CCT8: variants seen among roughly 807,000 people sequenced by gnomAD.
CCT8 encodes chaperonin containing TCP1 subunit 8.
In CCT8, 10 loss-of-function variants were observed where a neutral mutation model predicts 65.7. The ratio of observed to expected loss-of-function variants is 0.15; its 90% CI spans 0.09 to 0.26. The LOEUF (loss-of-function observed/expected upper bound fraction) is 0.26. Ranked by LOEUF, CCT8 falls within the 10% of genes least tolerant of loss-of-function variation. The pLI is 1.00. For synonymous variants in CCT8, 199 were observed against 221.8 expected, an observed-to-expected ratio of 0.90 and a Z score of 0.92; for missense variants, 568 against 669.1, an observed-to-expected ratio of 0.85 and a Z score of 1.67.
intron 14 of CCT8, among the ~76,000 whole-genome samples, chr21:29,057,143 T>G (rs1372510063): frequency 6.6e-6 from 1 of 150,722 alleles, no homozygotes. Flanking sequence ...CACCTTACTT[T>G]ATCTAAAATA....
At position 29,060,580 on chromosome 21, in the gene CCT8, G is replaced by A. The variant is rs754157564; in HGVS notation, c.1530C>T (p.Leu510=). 15 of 1,613,624 alleles carry A rather than the reference G, an allele frequency of 9.3e-6. No individual in the cohort carries two copies. Among genetic ancestry groups the A allele is most frequent in the East Asian group, 4.5e-5 (2 of 44,870 alleles). ...TYLGKYWAIK[L]ATNAAVTVLR... is the part of the protein sequence containing the mutation. ...GTACAGTGACTGCAGCATTAGTAGC[G>A]AGTTTGATAGCCCAATATTTTCCCA... The change falls in exon 14 of 15, where the codon CTC becomes CTT. Residue 510 remains leucine (L), a synonymous_variant. Transcript: ENST00000286788.
chr21:29,056,712 A>G lies in CCT8; in HGVS notation c.1570-160T>C, dbSNP rs1172812424. ...CACAGAGTTTGCTAGCTCCCTTGTT[A>G]GAAATTCAATTGTAAACTTTCAGCG... On this transcript the variant is annotated intron_variant, in intron 14 of 14. Transcript: ENST00000286788. 2.0e-5 allele frequency among the ~76,000 whole-genome samples: 3 copies of G among 152,252 alleles called. No individual in the cohort carries two copies. In the East Asian group the frequency reaches 5.8e-4, roughly 29 times the overall value.
intron 1 of CCT8, 157 bp downstream of exon 1, chr21:29,073,374 G>A: frequency 6.9e-7 from 1 of 1,450,682 alleles, no homozygotes; most frequent in South Asian, 1.4e-5. Flanking sequence ...CGGTGGCCGA[G>A]CCCTTCCAAA....
At chr21:29,064,409 T>TAAAAAAAAAAAAAAAAAAAAAA (rs34760776) in intron 7 of CCT8, among the ~76,000 whole-genome samples, 39 of 26,718 alleles carry the variant, frequency 1.5e-3, no homozygotes, top group East Asian at 2.8e-3. Flanking sequence ...AGCAAGACTC[T>TAAAAAAAAAAAAAAAAAAAAAA]AAAAAAAAAA....
At position 29,061,128 on chromosome 21, in the gene CCT8, T is replaced by A. The variant is rs944494109; in HGVS notation, c.1449+125A>T. 22 of 789,322 alleles carry A rather than the reference T, an allele frequency of 2.8e-5. No individual in the cohort carries two copies. In the African/African-American group the frequency reaches 3.1e-4, roughly 11 times the overall value. The allele number at this position is 789,322 out of a possible 1,614,324, so 48.9% of individuals were successfully genotyped here. On this transcript the variant is annotated intron_variant, in intron 13 of 14. Coordinates refer to ENST00000286788, the MANE Select transcript of CCT8 (RefSeq NM_006585.4). ...TCCATCAGACAACCTATGTAAAAAC[T>A]AAGAAAATAATCTGCTCCCAAATCA...
At position 29,056,388 on chromosome 21, in the gene CCT8, T is replaced by C; in HGVS notation, c.*87A>G. 1.5e-6 allele frequency: 1 copy of C among 650,088 alleles called. No homozygotes were observed. 40.3% of individuals were successfully genotyped at this position (650,088 alleles called of 1,614,324 possible). On this transcript the variant is annotated 3_prime_UTR_variant, in exon 15 of 15. Coordinates refer to ENST00000286788, the MANE Select transcript of CCT8 (RefSeq NM_006585.4). ...AAGAATACAAACACAAAATAACTCT[T>C]AATTTAAGGAGAATAAGAAAACATC... is the stretch of plus-strand genomic sequence containing the variant.
intron 6 of CCT8, among the ~76,000 whole-genome samples, chr21:29,066,036 C>T (rs57161423): frequency 0.021 from 3,052 of 142,998 alleles, 105 homozygotes; most frequent in African/African-American, 0.075. Flanking sequence ...GAGCCGAGGT[C>T]GAGGCACTGC....
At chr21:29,066,646 CACAAAAAA>C in intron 6 of CCT8, 62 bp downstream of exon 6, 4 of 902,536 alleles carry the variant, frequency 4.4e-6, no homozygotes, top group Middle Eastern at 3.2e-4. Flanking sequence ...TTTTTTTTTG[CACAAAAAA>C]ACAAAAAAAG....
chr21:29,073,524 C>T lies in CCT8; in HGVS notation c.60+7G>A. 6.2e-7 allele frequency: 1 copy of T among 1,614,146 alleles called. No individual in the cohort carries two copies. The highest frequency in any genetic ancestry group is 8.5e-7 in the Non-Finnish European group (1 of 1,179,990). ...CTCCCACCTCATTCCTTTCCTTCAG[C>T]CCTTACTTTCGCTCCCTCCTTGAGC... On this transcript the variant is annotated splice_region_variant and intron_variant, in intron 1 of 14. Transcript: ENST00000286788.
chr21:29,071,562 T>C (rs1011878133), intron 1 of CCT8, among the ~76,000 whole-genome samples: 6 of 151,854 alleles, frequency 4.0e-5, no homozygotes, highest in South Asian at 2.1e-4. Context: ...CAGGTTGGTT[T>C]TTTTTGTATT....
At position 29,067,034 on chromosome 21, in the gene CCT8, T is replaced by A. The variant is rs1183791604; in HGVS notation, c.419A>T (p.His140Leu). The stretch of plus-strand genomic sequence containing the variant: ...ACATACCAAATTAGGAAGAATCTCA[T>A]GAGCTTTTCTGCAGGCTATTTCATA... The part of the protein sequence containing the change: ...EGYEIACRKA[H>L]EILPNLVCCS... Residue 140 changes from histidine (H) to leucine (L), a missense_variant, in exon 5 of 15, where the codon CAT (histidine) becomes CTT (leucine). His to Leu is a moderately conservative substitution (Grantham distance 99). Coordinates refer to ENST00000286788, the MANE Select transcript of CCT8 (RefSeq NM_006585.4). 2 of 1,612,748 alleles carry A rather than the reference T, an allele frequency of 1.2e-6. No homozygotes were observed. Among genetic ancestry groups the A allele is most frequent in the Non-Finnish European group, 1.7e-6 (2 of 1,179,414 alleles).
At position 29,060,459 on chromosome 21, in the gene CCT8, C is replaced by G. The variant is rs367820658; in HGVS notation, c.1569+82G>C. 4.3e-6 allele frequency: 6 copies of G among 1,394,300 alleles called. No individual in the cohort carries two copies. In the African/African-American group the frequency reaches 8.6e-5, roughly 20 times the overall value. The allele number at this position is 1,394,300 out of a possible 1,614,324, so 86.4% of individuals were successfully genotyped here. On this transcript the variant is annotated intron_variant, in intron 14 of 14. Transcript: ENST00000286788. Reference sequence around the variant, plus strand: ...AAGAATCCTTTGAATTAGAACTATGCTATGTTCTAGTTCTGGGAAAATATA... The same window carrying G: ...AAGAATCCTTTGAATTAGAACTATGGTATGTTCTAGTTCTGGGAAAATATA...
At chr21:29,064,510 C>T (rs1286051320) in intron 7 of CCT8, among the ~76,000 whole-genome samples, 1 of 148,144 alleles carries the variant, frequency 6.8e-6, no homozygotes, top group Non-Finnish European at 1.5e-5. Flanking sequence ...TTAAAACTAT[C>T]AACAACTTGG....
chr21:29,073,309 C>T, intron 1 of CCT8: 1 of 1,409,082 alleles, frequency 7.1e-7, no homozygotes, highest in Non-Finnish European at 9.2e-7. Flanking sequence ...TCGATCGTGC[C>T]GCCGATCCCT....
At chr21:29,071,397 TGAGA>T (rs1035480652) in intron 1 of CCT8, among the ~76,000 whole-genome samples, 7 of 151,668 alleles carry the variant, frequency 4.6e-5, no homozygotes, top group African/African-American at 1.5e-4. Flanking sequence ...TACTCTTTTT[TGAGA>T]GAGAGAGAGT....
Position 29,064,652 on chromosome 21 carries a change from A to G in CCT8, c.762+316T>C, listed in dbSNP as rs528322501. ...TTAGCTTATCTTGTTTTAGGATGCT[A>G]CAGAATGTCAACTTTATTTTCGTGA... On this transcript the variant is annotated intron_variant, in intron 7 of 14. Coordinates refer to ENST00000286788, the MANE Select transcript of CCT8 (RefSeq NM_006585.4). Among the ~76,000 whole-genome samples, 21 of 152,318 alleles carry G rather than the reference A, an allele frequency of 1.4e-4. No homozygotes were observed. In the East Asian group the frequency reaches 4.0e-3, roughly 29 times the overall value.
At chr21:29,062,029 T>C (rs2085569597) in intron 11 of CCT8, 99 bp downstream of exon 11, 2 of 786,442 alleles carry the variant, frequency 2.5e-6, no homozygotes, top group Admixed American at 4.6e-5. Context: ...CCACTCATTC[T>C]GAAGTTCTCA....
At chr21:29,070,448 T>C (rs2085668993) in intron 1 of CCT8, 111 bp from the exon 2 acceptor site, 3 of 568,716 alleles carry the variant, frequency 5.3e-6, no homozygotes, top group South Asian at 5.3e-5. Flanking sequence ...AGAGGGAGCA[T>C]AGCTTAGGTA....
chr21:29,062,673 A>AT (rs1412084536), intron 8 of CCT8, 117 bp from the exon 9 acceptor site: 4 of 768,190 alleles, frequency 5.2e-6, no homozygotes, highest in Non-Finnish European at 8.4e-6. Flanking sequence ...TTGACAATGG[A>AT]TTTTAACTCA....
Sources: gnomAD v4.1 joint callset for allele counts (sites outside exome capture counted in the v4.1 genomes callset) on GRCh38, gnomAD v4.1.1 for gene constraint, MANE v1.5 for transcripts, NCBI Gene and HGNC (gene_info 2026-07-23, HGNC 2026-07-21) for gene names.